Variants in FBXW7 observed in about 807,000 individuals in gnomAD.
FBXW7 encodes F-box and WD repeat domain containing 7.
In FBXW7, 11 loss-of-function variants were observed where a neutral mutation model predicts 86.3. That is an observed-to-expected ratio of 0.13 (90% CI 0.08 to 0.21). FBXW7 has a LOEUF of 0.21. Among genes scored for constraint, FBXW7 ranks in the 10% least tolerant of loss-of-function variants. The pLI is 1.00. For synonymous variants in FBXW7, 313 were observed against 297.9 expected, an observed-to-expected ratio of 1.05 and a Z score of -0.52; for missense variants, 488 against 847.4, an observed-to-expected ratio of 0.58 and a Z score of 5.27.
At chr4:152,530,437 T>C (rs1279794000) in intron 2 of FBXW7, 4 of 152,240 alleles carry the variant, frequency 2.6e-5, no homozygotes, top group Middle Eastern at 3.2e-3. Context: ...CAAGCTTCTT[T>C]ACAGATACTT....
chr4:152,381,170 A>G (rs1415258427), intron 4 of FBXW7, among the ~76,000 whole-genome samples: 2 of 152,146 alleles, frequency 1.3e-5, no homozygotes, highest in Non-Finnish European at 2.9e-5. Flanking sequence ...TAAGCTAACT[A>G]GAAAATATGT....
intron 2 of FBXW7, among the ~76,000 whole-genome samples, chr4:152,464,677 A>C (rs1357631102): frequency 6.6e-6 from 1 of 152,234 alleles, no homozygotes; most frequent in African/African-American, 2.4e-5. Context: ...AGAAATGAAC[A>C]GTTGTAATTA....
intron 2 of FBXW7, among the ~76,000 whole-genome samples, chr4:152,523,676 G>A (rs1332724577): frequency 6.6e-6 from 1 of 152,110 alleles, no homozygotes; most frequent in Non-Finnish European, 1.5e-5. Flanking sequence ...ACGCTTTTAG[G>A]GTGCCCCTAC....
At chr4:152,443,336 T>C (rs1386518832) in intron 2 of FBXW7, among the ~76,000 whole-genome samples, 3 of 152,282 alleles carry the variant, frequency 2.0e-5, no homozygotes, top group Non-Finnish European at 2.9e-5. Context: ...CAGAATATGG[T>C]AGCTGTTACT....
intron 5 of FBXW7, among the ~76,000 whole-genome samples, chr4:152,349,676 T>C (rs1056510841): frequency 2.6e-5 from 4 of 151,898 alleles, no homozygotes; most frequent in African/African-American, 9.7e-5. Flanking sequence ...AAATGTATCT[T>C]CAAATTTCCA....
At chr4:152,510,506 G>GA (rs1427470909) in intron 2 of FBXW7, among the ~76,000 whole-genome samples, 1 of 151,994 alleles carries the variant, frequency 6.6e-6, no homozygotes, top group African/African-American at 2.4e-5. Flanking sequence ...ATTGTTTTCA[G>GA]AACAAGTAAA....
chr4:152,454,502 T>G (rs1001913858), intron 2 of FBXW7, among the ~76,000 whole-genome samples: 2 of 152,166 alleles, frequency 1.3e-5, no homozygotes, highest in Non-Finnish European at 2.9e-5. Context: ...GGAGCTCTTC[T>G]AACTTCAGAG....
In FBXW7 at chr4:152,411,601, C is replaced by G. The variant is rs1737975412; in HGVS notation, c.203G>C (p.Gly68Ala). Residue 68 changes from glycine to alanine, a missense_variant, in exon 4 of 14, where the codon GGC becomes GCC. Around this residue, in one of 4 missense-constraint regions of FBXW7, gnomAD observed 230 missense variants for 240.0 expected, o/e 0.96. Transcript: ENST00000281708. ...EVVGVEPRPG[G>A]QNDSQQGQLE... Reference sequence around the variant, plus strand: ...CTGTCCTTGCTGGGAATCATTTTGGCCTCCAGGTCTAGGTTCTACTCCAAC... The same window carrying G: ...CTGTCCTTGCTGGGAATCATTTTGGGCTCCAGGTCTAGGTTCTACTCCAAC... The G allele has an allele frequency of 6.2e-7, 1 of 1,613,954 alleles. No individual in the cohort carries two copies. Among genetic ancestry groups the G allele is most frequent in the Non-Finnish European group, 8.5e-7 (1 of 1,179,908 alleles).
intron 2 of FBXW7, among the ~76,000 whole-genome samples, chr4:152,491,997 C>A (rs1274640464): frequency 1.3e-5 from 2 of 152,154 alleles, no homozygotes; most frequent in South Asian, 4.1e-4. Context: ...AGATATGGAA[C>A]ATTTTCATCA....
chr4:152,525,290 T>C (rs1167439755), intron 2 of FBXW7, among the ~76,000 whole-genome samples: 1 of 152,208 alleles, frequency 6.6e-6, no homozygotes, highest in Non-Finnish European at 1.5e-5. Flanking sequence ...GCTAGCAAGA[T>C]AATCAGTGCT....
At chr4:152,477,882 T>A (rs1304833263) in intron 2 of FBXW7, among the ~76,000 whole-genome samples, 2 of 152,178 alleles carry the variant, frequency 1.3e-5, no homozygotes, top group Non-Finnish European at 2.9e-5. Context: ...TAACATGATA[T>A]GAGAGTATTG....
At chr4:152,339,909 C>A (rs889022112) in intron 6 of FBXW7, among the ~76,000 whole-genome samples, 2 of 123,886 alleles carry the variant, frequency 1.6e-5, no homozygotes, top group Non-Finnish European at 3.1e-5. Flanking sequence ...GGTGACAGAG[C>A]GAGGCTTTGT....
At chr4:152,348,844 A>G in intron 5 of FBXW7, 1 of 245,200 alleles carries the variant, frequency 4.1e-6, no homozygotes, top group Non-Finnish European at 7.5e-6. Context: ...ATCCCTCCAC[A>G]CCCTCTGGTG....
At chr4:152,401,612 C>T (rs528518696) in intron 4 of FBXW7, among the ~76,000 whole-genome samples, 1 of 152,120 alleles carries the variant, frequency 6.6e-6, no homozygotes, top group Non-Finnish European at 1.5e-5. Flanking sequence ...TTGGTAGATG[C>T]GTGTCAATAC....
At chr4:152,438,453 G>A (rs1021597460) in intron 2 of FBXW7, among the ~76,000 whole-genome samples, 1 of 151,386 alleles carries the variant, frequency 6.6e-6, no homozygotes, top group African/African-American at 2.4e-5. Flanking sequence ...CAAGCCAGGT[G>A]GATCACTTGA....
chr4:152,468,953 A>C (rs1743699576), intron 2 of FBXW7, among the ~76,000 whole-genome samples: 1 of 152,096 alleles, frequency 6.6e-6, no homozygotes, highest in Non-Finnish European at 1.5e-5. Flanking sequence ...CTGTGGCATC[A>C]TTTGCTCCTA....
chr4:152,365,229 TGAA>T (rs1353655737), intron 4 of FBXW7, among the ~76,000 whole-genome samples: 4 of 152,114 alleles, frequency 2.6e-5, no homozygotes, highest in Admixed American at 2.6e-4. Context: ...AAGATGAGGC[TGAA>T]GAAGTAGACA....
intron 4 of FBXW7, among the ~76,000 whole-genome samples, chr4:152,396,270 C>T (rs1252511232): frequency 6.6e-6 from 1 of 151,912 alleles, no homozygotes; most frequent in Non-Finnish European, 1.5e-5. Context: ...TAAAATAATA[C>T]ATATCCTCAA....
At chr4:152,403,784 G>A (rs968858186) in intron 4 of FBXW7, among the ~76,000 whole-genome samples, 1 of 152,194 alleles carries the variant, frequency 6.6e-6, no homozygotes, top group Non-Finnish European at 1.5e-5. Flanking sequence ...CTCCTGCTGT[G>A]AGGCCCAGTT....
Sources: allele counts gnomAD v4.1 joint callset (sites outside exome capture counted in the v4.1 genomes callset), GRCh38; gene constraint gnomAD v4.1.1; regional missense constraint gnomAD v4.1.1; transcripts MANE v1.5; gene names NCBI Gene and HGNC (gene_info 2026-07-23, HGNC 2026-07-21).